Variants in RPS6KA5 observed in about 807,000 individuals in gnomAD.
RPS6KA5 encodes ribosomal protein S6 kinase A5, also known as ribosomal protein S6 kinase alpha-5.
A neutral mutation model predicts 85.5 loss-of-function variants in RPS6KA5; 27 were observed. That is an observed-to-expected ratio of 0.32 (90% CI 0.23 to 0.44). RPS6KA5 has a LOEUF of 0.44. Among genes scored for constraint, RPS6KA5 ranks in the 20% least tolerant of loss-of-function variants. RPS6KA5 has a pLI of 1.00. For missense variants in RPS6KA5, 811 were observed against 980.9 expected, an observed-to-expected ratio of 0.83 and a Z score of 2.31; for synonymous variants, 334 against 348.2, an observed-to-expected ratio of 0.96 and a Z score of 0.46.
intron 1 of RPS6KA5, among the ~76,000 whole-genome samples, chr14:91,010,796 A>G (rs528811281): frequency 6.6e-6 from 1 of 152,354 alleles, no homozygotes; most frequent in East Asian, 1.9e-4. Flanking sequence ...GAAAGGCTAG[A>G]AAAAGTAGAG....
At chr14:90,895,356 C>T (rs1022272136) in intron 12 of RPS6KA5, among the ~76,000 whole-genome samples, 2 of 152,036 alleles carry the variant, frequency 1.3e-5, no homozygotes, top group Admixed American at 1.3e-4. Context: ...AAAATTAAAA[C>T]ATAAAAGTTT....
At chr14:90,959,837 A>G (rs2038706847) in intron 3 of RPS6KA5, among the ~76,000 whole-genome samples, 1 of 152,246 alleles carries the variant, frequency 6.6e-6, no homozygotes, top group East Asian at 1.9e-4. Context: ...AGGAGTTGTT[A>G]GCCAAAAATT....
intron 1 of RPS6KA5, among the ~76,000 whole-genome samples, chr14:91,007,709 GT>G (rs58235790): frequency 6.1e-5 from 9 of 147,472 alleles, no homozygotes; most frequent in African/African-American, 1.0e-4. Flanking sequence ...TTACTATTTT[GT>G]TTTTTTTTTT....
chr14:90,983,148 G>A (rs1238021140), intron 2 of RPS6KA5, among the ~76,000 whole-genome samples: 1 of 151,226 alleles, frequency 6.6e-6, no homozygotes, highest in Non-Finnish European at 1.5e-5. Flanking sequence ...GTGGTGGCGG[G>A]TGCCTGGAAT....
intron 6 of RPS6KA5, among the ~76,000 whole-genome samples, chr14:90,922,668 C>T (rs376086764): frequency 3.9e-5 from 6 of 152,106 alleles, no homozygotes; most frequent in Non-Finnish European, 8.8e-5. Flanking sequence ...AGGTTGGTCT[C>T]GAACTCCTGA....
intron 2 of RPS6KA5, among the ~76,000 whole-genome samples, chr14:90,998,364 A>G (rs1440048182): frequency 6.6e-6 from 1 of 152,236 alleles, no homozygotes; most frequent in African/African-American, 2.4e-5. Context: ...ACAATATGGT[A>G]CGTGAGTTAT....
rs150910355 is a variant in RPS6KA5, at chr14:90,906,186, C to T, written c.920G>A (p.Arg307His). The T allele has an allele frequency of 2.2e-5, 36 of 1,611,952 alleles. No homozygotes were observed. The highest frequency in any genetic ancestry group is 2.9e-5 in the Non-Finnish European group (34 of 1,178,526). The change falls in exon 8 of 17, where the codon CGT becomes CAT. Residue 307 changes from arginine (R) to histidine (H), a missense_variant. By Grantham distance (29) the Arg-to-His change is conservative (BLOSUM62 0). This residue lies in a region of RPS6KA5 where 650 missense variants were observed against 793.4 expected (regional missense o/e 0.82). Coordinates refer to ENST00000614987, the MANE Select transcript of RPS6KA5 (RefSeq NM_004755.4). The stretch of plus-strand genomic sequence containing the variant: ...ATGTTCTTTGATTTCATCTGCATCA[C>T]GTGGACCACATCCCAATCTCTTCTT... Reference protein sequence around the residue: ...DPKKRLGCGPRDADEIKEHLF... With the variant: ...DPKKRLGCGPHDADEIKEHLF...
At chr14:91,004,081 T>A (rs147191789) in intron 1 of RPS6KA5, among the ~76,000 whole-genome samples, 20 of 152,300 alleles carry the variant, frequency 1.3e-4, no homozygotes, top group African/African-American at 4.8e-4. Flanking sequence ...TTCTTGTTTT[T>A]TGTTTTGTTT....
At chr14:91,054,206 G>A (rs1218255768) in intron 1 of RPS6KA5, among the ~76,000 whole-genome samples, 1 of 151,708 alleles carries the variant, frequency 6.6e-6, no homozygotes, top group African/African-American at 2.4e-5. Context: ...ATGGATCAAT[G>A]ATCTAAATGT....
chr14:90,863,029 G>C lies in RPS6KA5; in HGVS notation c.*9045C>G, dbSNP rs1423289149. The C allele has an allele frequency of 6.6e-6, 1 of 152,004 alleles. No individual in the cohort carries two copies. Among genetic ancestry groups the C allele is most frequent in the East Asian group, 1.9e-4 (1 of 5,202 alleles). 9.4% of individuals were successfully genotyped at this position (152,004 alleles called of 1,614,324 possible). ...TAAATAAAACATAATATTGGGCTGGGTGAGGTGGCTCATGCCTGTAATCTC... is the reference window on the plus strand; with the variant it reads ...TAAATAAAACATAATATTGGGCTGGCTGAGGTGGCTCATGCCTGTAATCTC... On this transcript the variant is annotated 3_prime_UTR_variant, in exon 17 of 17. Transcript: ENST00000614987.
intron 1 of RPS6KA5, among the ~76,000 whole-genome samples, chr14:91,012,053 G>C (rs911376156): frequency 1.3e-5 from 2 of 151,902 alleles, no homozygotes; most frequent in Non-Finnish European, 2.9e-5. Flanking sequence ...CTTAAATTTT[G>C]TTCAAAACCT....
chr14:90,890,589 G>C lies in RPS6KA5; in HGVS notation c.1734C>G (p.Pro578=), dbSNP rs1196511434. 5 of 1,613,956 alleles carry C rather than the reference G, an allele frequency of 3.1e-6. No individual in the cohort carries two copies. Among genetic ancestry groups the C allele is most frequent in the Non-Finnish European group, 4.2e-6 (5 of 1,179,966 alleles). Residue 578 remains proline (P), a synonymous_variant, in exon 14 of 17, where the codon CCC becomes CCG. Transcript: ENST00000614987. ...GAAGGGTGAAGCATGGAGTCTTCAG[G>C]GGCTGATTATCCGGTGGCTTTAGCC... is the stretch of plus-strand genomic sequence containing the variant. ...FARLKPPDNQ[P]LKTPCFTLHY... is the part of the protein sequence containing the mutation.
intron 2 of RPS6KA5, among the ~76,000 whole-genome samples, chr14:90,991,395 T>C (rs978493832): frequency 2.0e-5 from 3 of 151,774 alleles, no homozygotes; most frequent in Admixed American, 1.3e-4. Context: ...TAGGACTTTG[T>C]GAGAAAATAG....
At chr14:91,008,479 T>C (rs2041124957) in intron 1 of RPS6KA5, among the ~76,000 whole-genome samples, 1 of 152,182 alleles carries the variant, frequency 6.6e-6, no homozygotes, top group Admixed American at 6.5e-5. Context: ...CAGGTCCCCA[T>C]TTACTCAACA....
At chr14:91,010,109 A>C (rs2041194913) in intron 1 of RPS6KA5, among the ~76,000 whole-genome samples, 1 of 152,104 alleles carries the variant, frequency 6.6e-6, no homozygotes, top group South Asian at 2.1e-4. Context: ...AAGCATAATG[A>C]AGGAAGTGAA....
At chr14:90,950,911 A>G (rs2140381390) in intron 3 of RPS6KA5, among the ~76,000 whole-genome samples, 1 of 151,412 alleles carries the variant, frequency 6.6e-6, no homozygotes, top group Non-Finnish European at 1.5e-5. Context: ...ACTTGACGTC[A>G]TGGGTTTGAG....
At position 90,869,228 on chromosome 14, in the gene RPS6KA5, T is replaced by C. The variant is rs927518292; in HGVS notation, c.*2846A>G. 2 of 152,176 alleles carry C rather than the reference T, an allele frequency of 1.3e-5. No individual in the cohort carries two copies. Among genetic ancestry groups the C allele is most frequent in the Non-Finnish European group, 2.9e-5 (2 of 68,066 alleles). The allele number at this position is 152,176 out of a possible 1,614,324, so 9.4% of individuals were successfully genotyped here. ...TTTTTGGAGAGACAGTGTCTCACTA[T>C]GTTGCCCAGGTTGGTCTCTAACTCC... On this transcript the variant is annotated 3_prime_UTR_variant, in exon 17 of 17. Coordinates refer to ENST00000614987, the MANE Select transcript of RPS6KA5 (RefSeq NM_004755.4).
In RPS6KA5 at chr14:90,860,899, T is replaced by TTC. The variant is rs1314214186; in HGVS notation, c.*11174_*11175insGA. On this transcript the variant is annotated 3_prime_UTR_variant, in exon 17 of 17. Coordinates refer to ENST00000614987, the MANE Select transcript of RPS6KA5 (RefSeq NM_004755.4). ...AACAATATAGAGTCTATTTTTTTTT[T>TTC]TTTTTTTTTGAGATGGAGTTTCGCT... The TTC allele has an allele frequency of 6.6e-6, 1 of 151,034 alleles. No homozygotes were observed. Among genetic ancestry groups the TTC allele is most frequent in the African/African-American group, 2.4e-5 (1 of 41,102 alleles). 9.4% of individuals were successfully genotyped at this position (151,034 alleles called of 1,614,324 possible).
At chr14:91,014,216 A>G (rs942351111) in intron 1 of RPS6KA5, among the ~76,000 whole-genome samples, 9 of 152,180 alleles carry the variant, frequency 5.9e-5, no homozygotes, top group African/African-American at 2.2e-4. Context: ...CATGAGTATT[A>G]TAAGGCCGGG....
Sources: allele counts gnomAD v4.1 joint callset (sites outside exome capture counted in the v4.1 genomes callset), GRCh38; gene constraint gnomAD v4.1.1; regional missense constraint gnomAD v4.1.1; transcripts MANE v1.5; gene names NCBI Gene and HGNC (gene_info 2026-07-23, HGNC 2026-07-21).